GNAQ: variants seen among roughly 807,000 people sequenced by gnomAD.
GNAQ encodes G protein subunit alpha q.
Under a neutral mutation model 43.9 loss-of-function variants are expected in GNAQ, and 8 were observed. The observed-to-expected ratio is 0.18, with a 90% CI of 0.11 to 0.33. The LOEUF is 0.33. Among genes scored for constraint, GNAQ ranks in the 10% least tolerant of loss-of-function variants. The pLI is 1.00. For synonymous variants in GNAQ, 155 were observed against 170.7 expected (o/e 0.91, Z 0.71); for missense variants, 158 against 450.8 (o/e 0.35, Z 5.88).
chr9:77,828,698 T>C (rs1827246981), intron 2 of GNAQ, among the ~76,000 whole-genome samples: 2 of 152,350 alleles, frequency 1.3e-5, no homozygotes, highest in South Asian at 4.1e-4. Context: ...TGCCTTCTTA[T>C]ATATTTGTCC....
At chr9:77,895,595 G>C (rs1828486907) in intron 2 of GNAQ, among the ~76,000 whole-genome samples, 1 of 152,162 alleles carries the variant, frequency 6.6e-6, no homozygotes, top group Admixed American at 6.5e-5. Flanking sequence ...TTGGATTACA[G>C]CTCTTGATAC....
intron 6 of GNAQ, 30 bp from the exon 7 acceptor site, chr9:77,721,543 T>G (rs1025189626): frequency 7.5e-7 from 1 of 1,341,316 alleles, no homozygotes; most frequent in African/African-American, 1.4e-5. Context: ...AGGGACACTT[T>G]GTTACCTAAT....
intron 2 of GNAQ, among the ~76,000 whole-genome samples, chr9:77,822,239 T>C (rs954180589): frequency 6.6e-6 from 1 of 152,208 alleles, no homozygotes; most frequent in Non-Finnish European, 1.5e-5. Context: ...AATTAAATCA[T>C]GTTTTGAAAA....
intron 2 of GNAQ, among the ~76,000 whole-genome samples, chr9:77,835,080 G>C (rs1827362402): frequency 6.6e-6 from 1 of 152,062 alleles, no homozygotes; most frequent in African/African-American, 2.4e-5. Context: ...ACGTAACTGT[G>C]CAGCATGGAC....
intron 2 of GNAQ, among the ~76,000 whole-genome samples, chr9:77,862,261 C>G (rs764072475): frequency 6.6e-6 from 1 of 152,092 alleles, no homozygotes; most frequent in Non-Finnish European, 1.5e-5. Flanking sequence ...AGGAGGGACT[C>G]TGTGTGGGGG....
intron 5 of GNAQ, among the ~76,000 whole-genome samples, chr9:77,777,550 AAAT>A (rs1238436127): frequency 6.6e-6 from 1 of 152,076 alleles, no homozygotes; most frequent in Non-Finnish European, 1.5e-5. Flanking sequence ...AAAGAAAGTG[AAAT>A]CCCTACAGAA....
At chr9:77,992,556 A>T (rs1823521332) in intron 1 of GNAQ, among the ~76,000 whole-genome samples, 1 of 152,348 alleles carries the variant, frequency 6.6e-6, no homozygotes, top group Admixed American at 6.5e-5. Context: ...AAAAATAAAG[A>T]CAGAAAATTC....
At chr9:77,908,248 T>C (rs983225136) in intron 2 of GNAQ, among the ~76,000 whole-genome samples, 1 of 152,142 alleles carries the variant, frequency 6.6e-6, no homozygotes, top group African/African-American at 2.4e-5. Flanking sequence ...AAGACTCCTT[T>C]ATCTCAGCAG....
At chr9:77,723,373 C>G (rs1221453985) in intron 6 of GNAQ, among the ~76,000 whole-genome samples, 1 of 152,198 alleles carries the variant, frequency 6.6e-6, no homozygotes, top group East Asian at 1.9e-4. Flanking sequence ...ATGACCGACC[C>G]TGCTAGTCTA....
intron 2 of GNAQ, among the ~76,000 whole-genome samples, chr9:77,902,383 C>A (rs1344328384): frequency 6.6e-6 from 1 of 152,166 alleles, no homozygotes; most frequent in Non-Finnish European, 1.5e-5. Context: ...ATTACTTTGG[C>A]AATTAGCACT....
Position 77,720,872 on chromosome 9 carries a change from A to G in GNAQ, c.*451T>C, listed in dbSNP as rs1472352688. 4.2e-6 allele frequency: 1 copy of G among 236,588 alleles called. No homozygotes were observed. Among genetic ancestry groups the G allele is most frequent in the Non-Finnish European group, 8.3e-6 (1 of 120,218 alleles). The allele number at this position is 236,588 out of a possible 1,614,324, so 14.7% of individuals were successfully genotyped here. A position where few individuals can be genotyped will look rare whatever the true frequency, so the allele number is the denominator to read the frequency against. Reference sequence around the variant, plus strand: ...GTCCTGACTGTATCATTTGAGAGAAAAACTTGACCAAGAATGGAACTAGGA... The same window carrying G: ...GTCCTGACTGTATCATTTGAGAGAAGAACTTGACCAAGAATGGAACTAGGA... On this transcript the variant is annotated 3_prime_UTR_variant, in exon 7 of 7. Coordinates refer to ENST00000286548, the MANE Select transcript of GNAQ (RefSeq NM_002072.5).
chr9:77,763,155 A>AAAAAAAAAAAAAAG (rs1826081150), intron 5 of GNAQ, among the ~76,000 whole-genome samples: 1 of 148,100 alleles, frequency 6.8e-6, no homozygotes, highest in African/African-American at 2.5e-5. Flanking sequence ...AAAAAAAAAA[A>AAAAAAAAAAAAAAG]CAAAGGAAAA....
intron 3 of GNAQ, among the ~76,000 whole-genome samples, chr9:77,806,416 T>C (rs147351169): frequency 7.9e-5 from 12 of 152,340 alleles, no homozygotes; most frequent in African/African-American, 2.6e-4. Flanking sequence ...TGGAGGGAGA[T>C]TGGCACAGAG....
intron 1 of GNAQ, among the ~76,000 whole-genome samples, chr9:77,979,649 C>G (rs1251799092): frequency 5.9e-5 from 9 of 152,224 alleles, no homozygotes; most frequent in African/African-American, 2.2e-4. Flanking sequence ...ACTGAACTCT[C>G]TGGAAGACTA....
chr9:78,024,239 C>CA (rs1280509706), intron 1 of GNAQ, among the ~76,000 whole-genome samples: 2 of 152,114 alleles, frequency 1.3e-5, no homozygotes, highest in South Asian at 2.1e-4. Context: ...GGCAAGAAGG[C>CA]AAAAACTGTT....
intron 2 of GNAQ, among the ~76,000 whole-genome samples, chr9:77,828,578 T>C (rs1024216725): frequency 7.9e-5 from 12 of 152,258 alleles, no homozygotes; most frequent in African/African-American, 2.9e-4. Context: ...ACATAAAGAA[T>C]TTCCAACAAT....
At chr9:77,950,124 G>A (rs554883598) in intron 1 of GNAQ, among the ~76,000 whole-genome samples, 57 of 152,152 alleles carry the variant, frequency 3.7e-4, no homozygotes, top group Non-Finnish European at 7.1e-4. Flanking sequence ...TGTTCTTACC[G>A]GGTTCCCTTC....
intron 1 of GNAQ, among the ~76,000 whole-genome samples, chr9:78,007,145 T>C (rs986023597): frequency 2.0e-5 from 3 of 152,172 alleles, no homozygotes; most frequent in African/African-American, 7.2e-5. Flanking sequence ...CATTTGCCTC[T>C]AACGTATTCA....
intron 1 of GNAQ, among the ~76,000 whole-genome samples, chr9:77,993,674 C>T (rs1425820980): frequency 6.6e-6 from 1 of 151,456 alleles, no homozygotes; most frequent in Non-Finnish European, 1.5e-5. Flanking sequence ...TGCACTCCAG[C>T]ATGGGCAACA....
Sources: gnomAD v4.1 joint callset for allele counts (sites outside exome capture counted in the v4.1 genomes callset) on GRCh38, gnomAD v4.1.1 for gene constraint, MANE v1.5 for transcripts, NCBI Gene and HGNC (gene_info 2026-07-23, HGNC 2026-07-21) for gene names.